NBAS: variants seen among roughly 807,000 people sequenced by gnomAD.
The protein encoded by NBAS is NBAS subunit of NRZ tethering complex, also known as NAG/BC035112 fusion.
A neutral mutation model predicts 302.5 loss-of-function variants in NBAS; 219 were observed. The ratio of observed to expected loss-of-function variants is 0.72; its 90% confidence interval spans 0.65 to 0.81. NBAS has a LOEUF of 0.81. Among genes scored for constraint, NBAS ranks in the 30% least tolerant of loss-of-function variants. NBAS has a pLI of 0.00. For synonymous variants in NBAS, 1,118 were observed against 1,021.6 expected, an observed-to-expected ratio of 1.09 and a Z score of -1.80; for missense variants, 2,932 against 2,841.6, an observed-to-expected ratio of 1.03 and a Z score of -0.72.
intron 50 of NBAS, 21 bp from the exon 51 acceptor site, chr2:15,179,137 T>A: frequency 1.9e-6 from 3 of 1,613,740 alleles, no homozygotes; most frequent in Non-Finnish European, 2.5e-6. Flanking sequence ...AGAGCAGGGG[T>A]GAGCGAGAAC....
At chr2:14,808,688 AT>A in the NBAS span, among the ~76,000 whole-genome samples, 1 of 152,216 alleles carries the variant, frequency 6.6e-6, no homozygotes, top group African/African-American at 2.4e-5. Flanking sequence ...AATACAGTAA[AT>A]TGGTACCAGT....
chr2:15,190,164 A>C, intron 49 of NBAS, 100 bp downstream of exon 49: 2 of 1,368,736 alleles, frequency 1.5e-6, no homozygotes, highest in Non-Finnish European at 2.1e-6. Flanking sequence ...GCACACACAT[A>C]TAATTATTCT....
At chr2:15,365,592 G>A (rs13015492) in intron 32 of NBAS, among the ~76,000 whole-genome samples, 77,936 of 151,984 alleles carry the variant, frequency 0.51, 23,282 homozygotes, top group Non-Finnish European at 0.68. Flanking sequence ...GTCTCACAAC[G>A]GATGACTGGC....
At chr2:15,042,810 C>G in the NBAS span, among the ~76,000 whole-genome samples, 4 of 152,290 alleles carry the variant, frequency 2.6e-5, no homozygotes, top group South Asian at 8.3e-4. Flanking sequence ...CTAAATTTGG[C>G]AAAACCACAG....
the NBAS span, among the ~76,000 whole-genome samples, chr2:15,012,600 A>G: frequency 2.6e-5 from 4 of 152,202 alleles, no homozygotes; most frequent in Admixed American, 2.0e-4. Flanking sequence ...TCCAAGGCAC[A>G]TGATAGTCAA....
intron 47 of NBAS, among the ~76,000 whole-genome samples, chr2:15,228,336 A>G (rs10179076): frequency 1.1e-4 from 16 of 151,976 alleles, no homozygotes; most frequent in Admixed American, 9.2e-4. Context: ...AAGAAAAAAA[A>G]TAACTAATGC....
At chr2:15,339,121 C>T (rs1379457874) in intron 35 of NBAS, among the ~76,000 whole-genome samples, 3 of 152,120 alleles carry the variant, frequency 2.0e-5, no homozygotes, top group African/African-American at 4.8e-5. Flanking sequence ...ATGAAACCTA[C>T]ATTCTGGAAA....
intron 31 of NBAS, among the ~76,000 whole-genome samples, chr2:15,369,045 C>T (rs1245261560): frequency 6.6e-6 from 1 of 152,116 alleles, no homozygotes; most frequent in Non-Finnish European, 1.5e-5. Context: ...TCAATATCCG[C>T]TACTATTTTA....
intron 44 of NBAS, among the ~76,000 whole-genome samples, chr2:15,249,901 G>C (rs189366084): frequency 6.6e-6 from 1 of 152,250 alleles, no homozygotes; most frequent in East Asian, 1.9e-4. Context: ...GTAATTTACA[G>C]TTTCAATGCT....
intron 10 of NBAS, among the ~76,000 whole-genome samples, chr2:15,509,167 A>G (rs907409310): frequency 1.3e-5 from 2 of 152,212 alleles, no homozygotes; most frequent in African/African-American, 4.8e-5. Context: ...AGATTATGGG[A>G]TAATCATCAT....
intron 49 of NBAS, among the ~76,000 whole-genome samples, 163 bp downstream of exon 49, chr2:15,190,101 T>C (rs549609394): frequency 5.3e-5 from 8 of 152,146 alleles, no homozygotes; most frequent in African/African-American, 1.7e-4. Flanking sequence ...CGGAAAGACA[T>C]TGCAATATTT....
chr2:15,218,267 T>C (rs936066746), intron 48 of NBAS, among the ~76,000 whole-genome samples: 1 of 152,192 alleles, frequency 6.6e-6, no homozygotes, highest in Non-Finnish European at 1.5e-5. Flanking sequence ...ACCATGCATA[T>C]GCATGTTCAA....
the NBAS span, among the ~76,000 whole-genome samples, chr2:14,967,680 G>A: frequency 6.6e-6 from 1 of 152,068 alleles, no homozygotes; most frequent in Non-Finnish European, 1.5e-5. Flanking sequence ...AATATCAAAA[G>A]CACAAACAGT....
chr2:15,304,027 T>G (rs1258327837), intron 40 of NBAS, among the ~76,000 whole-genome samples: 3 of 152,138 alleles, frequency 2.0e-5, no homozygotes, highest in Non-Finnish European at 4.4e-5. Flanking sequence ...GTGTGGCACA[T>G]GAGGGATGCT....
At chr2:15,310,633 G>C (rs1453583133) in intron 38 of NBAS, among the ~76,000 whole-genome samples, 1 of 152,164 alleles carries the variant, frequency 6.6e-6, no homozygotes, top group African/African-American at 2.4e-5. Flanking sequence ...CAAGATCAAA[G>C]AAGAGGTAGC....
rs182301971 is a variant in NBAS, at chr2:15,348,079, A to G, written c.4179+3913T>C. ...AGCTATAATTTAATGTGGTTATTAT[A>G]TCTACTGTTAATGTGTAACACACGG... On this transcript the variant is annotated intron_variant, in intron 35 of 51. Transcript: ENST00000281513. 4.5e-3 allele frequency among the ~76,000 whole-genome samples: 690 copies of G among 152,374 alleles called. 5 individuals carry two copies. The highest frequency in any genetic ancestry group is 0.016 in the African/African-American group (669 of 41,596).
chr2:15,282,632 C>A (rs530089328), intron 42 of NBAS, among the ~76,000 whole-genome samples: 5 of 152,264 alleles, frequency 3.3e-5, no homozygotes, highest in Non-Finnish European at 5.9e-5. Flanking sequence ...TGATCTCTAG[C>A]AACCAAGATA....
the NBAS span, among the ~76,000 whole-genome samples, chr2:15,090,157 T>C: frequency 6.6e-5 from 10 of 152,322 alleles, no homozygotes; most frequent in Admixed American, 3.3e-4. Flanking sequence ...CTATGGCCTC[T>C]GCCATTTGCT....
chr2:14,896,984 G>T, the NBAS span, among the ~76,000 whole-genome samples: 1 of 152,016 alleles, frequency 6.6e-6, no homozygotes, highest in Non-Finnish European at 1.5e-5. Flanking sequence ...GAGCTGCATG[G>T]AAATATCTCA....
Sources: allele counts gnomAD v4.1 joint callset (sites outside exome capture counted in the v4.1 genomes callset), GRCh38; gene constraint gnomAD v4.1.1; transcripts MANE v1.5; gene names NCBI Gene and HGNC (gene_info 2026-07-23, HGNC 2026-07-21).